The following TRPA1 variants were observed in gnomAD, a reference collection of about 807,000 sequenced individuals.
TRPA1 encodes the protein ankyrin-like with transmembrane domains 1.
Under a neutral mutation model 131.3 loss-of-function variants are expected in TRPA1, and 129 were observed. That is an observed-to-expected ratio of 0.98 (90% confidence interval 0.85 to 1.14). TRPA1 has a LOEUF of 1.14. Among genes scored for constraint, TRPA1 ranks in the 50% most tolerant of loss-of-function variants. TRPA1 has a pLI of 0.00. For missense variants in TRPA1, 1,304 were observed against 1,354.2 expected, an observed-to-expected ratio of 0.96 and a Z score of 0.58; for synonymous variants, 441 against 451.7, an observed-to-expected ratio of 0.98 and a Z score of 0.30.
At chr8:72,081,153 G>A in the TRPA1 span, among the ~76,000 whole-genome samples, 134,263 of 151,772 alleles carry the variant, frequency 0.88, 59,564 homozygotes, top group African/African-American at 0.94. Flanking sequence ...TAATATAATT[G>A]TTTAAAGATA....
intron 15 of TRPA1, among the ~76,000 whole-genome samples, chr8:72,047,647 G>C (rs933140051): frequency 2.6e-5 from 4 of 152,022 alleles, no homozygotes; most frequent in Non-Finnish European, 5.9e-5. Context: ...TTCCACACAT[G>C]AGTACTTAAT....
At position 72,036,317 on chromosome 8, in the gene TRPA1, A is replaced by T. The variant is rs1336748047; in HGVS notation, c.2526T>A (p.Tyr842Ter). The T allele has an allele frequency of 1.2e-6, 2 of 1,614,170 alleles. No individual in the cohort carries two copies. Among genetic ancestry groups the T allele is most frequent in the Admixed American group, 1.7e-5 (1 of 60,028 alleles). Reference protein sequence around the residue: ...WQCGAIAVYFYWMNFLLYLQR... With the variant: ...WQCGAIAVYF Reference sequence around the variant, plus strand: ...GAAGATACAATAAGAAATTCATCCAATAGAAGTAAACAGCAATTGCTCCAC... The same window carrying T: ...GAAGATACAATAAGAAATTCATCCATTAGAAGTAAACAGCAATTGCTCCAC... The change falls in exon 21 of 27, where the codon TAT becomes TAA. Residue 842 changes from tyrosine to a stop codon, truncating the protein, a stop_gained. Transcript: ENST00000262209. LOFTEE classifies it high-confidence loss of function.
chr8:72,069,749 T>C (rs533556003), intron 2 of TRPA1, among the ~76,000 whole-genome samples: 1 of 139,214 alleles, frequency 7.2e-6, no homozygotes, highest in South Asian at 2.3e-4. Flanking sequence ...AAAAAAAAAT[T>C]AAAAAAAAAA....
At chr8:72,047,288 T>A (rs966333452) in intron 15 of TRPA1, 81 bp from the exon 16 acceptor site, 23 of 1,023,208 alleles carry the variant, frequency 2.2e-5, no homozygotes, top group Non-Finnish European at 3.6e-5. Context: ...TCTGAAATAA[T>A]ACACAAGACA....
intron 12 of TRPA1, chr8:72,055,076 A>G (rs1291525921): frequency 3.8e-6 from 1 of 260,678 alleles, no homozygotes; most frequent in Non-Finnish European, 7.4e-6. Context: ...ACACACATAC[A>G]CAACCACAGT....
At chr8:72,058,671 T>C (rs1391165875) in intron 8 of TRPA1, among the ~76,000 whole-genome samples, 2 of 152,194 alleles carry the variant, frequency 1.3e-5, no homozygotes, top group Non-Finnish European at 2.9e-5. Context: ...TTATGGTTTA[T>C]GGCATATAAT....
chr8:72,067,042 T>C (rs1486055583), intron 3 of TRPA1, among the ~76,000 whole-genome samples: 5 of 152,358 alleles, frequency 3.3e-5, no homozygotes, highest in Non-Finnish European at 7.3e-5. Context: ...CAGGCCAATG[T>C]GTCCCAGGGA....
In TRPA1 at chr8:72,022,626, T is replaced by C; in HGVS notation, c.*280A>G. 2.0e-6 allele frequency: 1 copy of C among 505,864 alleles called. No individual in the cohort carries two copies. The highest frequency in any genetic ancestry group is 3.6e-6 in the Non-Finnish European group (1 of 278,420). 31.3% of individuals were successfully genotyped at this position (505,864 alleles called of 1,614,324 possible). A position where few individuals can be genotyped will look rare whatever the true frequency, so the allele number is the denominator to read the frequency against. On this transcript the variant is annotated 3_prime_UTR_variant, in exon 27 of 27. Transcript: ENST00000262209. ...TTCTTTTCATTAAAAATGTGTGTTCTAGCAAATTCATTTTCTACCCATTCA... is the reference window on the plus strand; with the variant it reads ...TTCTTTTCATTAAAAATGTGTGTTCCAGCAAATTCATTTTCTACCCATTCA...
At chr8:72,071,917 T>C (rs554207257) in intron 1 of TRPA1, 50 bp from the exon 2 acceptor site, 15 of 1,544,280 alleles carry the variant, frequency 9.7e-6, no homozygotes, top group South Asian at 3.4e-5. Flanking sequence ...GCAAAACTTA[T>C]GGCTATAATC....
At chr8:72,053,990 C>T (rs1805596386) in intron 12 of TRPA1, 123 bp from the exon 13 acceptor site, 1 of 699,886 alleles carries the variant, frequency 1.4e-6, no homozygotes, top group African/African-American at 1.8e-5. Flanking sequence ...GATCTGGCAA[C>T]TAAATATTTA....
At chr8:72,085,359 T>C in the TRPA1 span, among the ~76,000 whole-genome samples, 5 of 152,316 alleles carry the variant, frequency 3.3e-5, no homozygotes, top group East Asian at 9.6e-4. Context: ...TAGTAAGGGA[T>C]TCCACCACAG....
At chr8:72,031,577 C>T (rs1036202568) in intron 23 of TRPA1, among the ~76,000 whole-genome samples, 2 of 134,920 alleles carry the variant, frequency 1.5e-5, no homozygotes, top group Admixed American at 8.0e-5. Context: ...GATCCTATCT[C>T]AAAAAAAACA....
intron 4 of TRPA1, 59 bp from the exon 5 acceptor site, chr8:72,063,630 A>T: frequency 1.9e-6 from 2 of 1,048,296 alleles, no homozygotes; most frequent in Non-Finnish European, 3.0e-6. Context: ...GCAAGGGTGG[A>T]TGAGAATTTA....
chr8:72,035,330 G>C (rs1811992047), intron 21 of TRPA1, among the ~76,000 whole-genome samples: 1 of 152,060 alleles, frequency 6.6e-6, no homozygotes, highest in Non-Finnish European at 1.5e-5. Flanking sequence ...CTATTTCTGG[G>C]CCACTGCCTT....
chr8:72,043,761 T>G, intron 17 of TRPA1, among the ~76,000 whole-genome samples: 1 of 151,870 alleles, frequency 6.6e-6, no homozygotes, highest in Non-Finnish European at 1.5e-5. Context: ...ACTTATAGGT[T>G]TTTGCACTAA....
At chr8:72,081,217 G>A in the TRPA1 span, among the ~76,000 whole-genome samples, 2,010 of 151,854 alleles carry the variant, frequency 0.013, 48 homozygotes, top group African/African-American at 0.044. Context: ...TTGATTTGGC[G>A]TGTTTTCAGT....
chr8:72,024,985 T>C (rs1386548251), intron 25 of TRPA1, among the ~76,000 whole-genome samples: 4 of 152,158 alleles, frequency 2.6e-5, no homozygotes, highest in Admixed American at 2.0e-4. Context: ...TACTAAGGAT[T>C]AGCAACCTGT....
intron 15 of TRPA1, among the ~76,000 whole-genome samples, chr8:72,048,169 A>G (rs1805397295): frequency 6.6e-6 from 1 of 152,130 alleles, no homozygotes. Context: ...TGTGGGAACA[A>G]CTGTTTTTGT....
chr8:72,035,061 C>A (rs559849725), intron 21 of TRPA1, among the ~76,000 whole-genome samples: 69 of 152,144 alleles, frequency 4.5e-4, no homozygotes, highest in Non-Finnish European at 8.7e-4. Flanking sequence ...TGCATTTTAT[C>A]CTCACCATCT....
Sources: gnomAD v4.1 joint callset for allele counts (sites outside exome capture counted in the v4.1 genomes callset) on GRCh38, gnomAD v4.1.1 for gene constraint, MANE v1.5 for transcripts, NCBI Gene and HGNC (gene_info 2026-07-23, HGNC 2026-07-21) for gene names.